The following IARS1 variants were observed in gnomAD, a reference collection of about 807,000 sequenced individuals.
IARS1 encodes the protein isoleucine--tRNA ligase, cytoplasmic.
Under a neutral mutation model 168.2 loss-of-function variants are expected in IARS1, and 124 were observed. The ratio of observed to expected loss-of-function variants is 0.74; its 90% CI spans 0.64 to 0.86. IARS1 has a LOEUF of 0.86. Among genes scored for constraint, IARS1 ranks in the 40% least tolerant of loss-of-function variants. The probability of loss-of-function intolerance (pLI) is 0.00; values close to 1 mark genes in which losing one functional copy is unlikely to be tolerated. For missense variants in IARS1, 1,452 were observed against 1,515.8 expected, an observed-to-expected ratio of 0.96 and a Z score of 0.70; for synonymous variants, 532 against 529.4, an observed-to-expected ratio of 1.00 and a Z score of -0.07.
Position 92,288,288 on chromosome 9 carries a change from A to C in IARS1, c.120-6T>G, listed in dbSNP as rs1302051312. ...GACCATCATAGAAGGTAAATCTAAC[A>C]GGTAATAAAAATATATCAAGCCATT... On this transcript the variant is annotated splice_region_variant and splice_polypyrimidine_tract_variant and intron_variant, in intron 2 of 33. Coordinates refer to ENST00000443024, the MANE Select transcript of IARS1 (RefSeq NM_002161.6). The C allele has an allele frequency of 2.5e-6, 4 of 1,613,752 alleles. No individual in the cohort carries two copies. The highest frequency in any genetic ancestry group is 1.1e-5 in the South Asian group (1 of 91,042).
At chr9:92,250,522 T>C (rs1354938318) in intron 23 of IARS1, among the ~76,000 whole-genome samples, 191 bp downstream of exon 23, 1 of 152,154 alleles carries the variant, frequency 6.6e-6, no homozygotes, top group Non-Finnish European at 1.5e-5. Context: ...ACAAAGGGGT[T>C]CCACACCAAG....
chr9:92,282,839 C>CACATATAT (rs1554730503), intron 6 of IARS1, among the ~76,000 whole-genome samples: 10 of 142,246 alleles, frequency 7.0e-5, no homozygotes, highest in African/African-American at 2.6e-4. Flanking sequence ...CATACACACA[C>CACATATAT]ATATATATAT....
In IARS1 at chr9:92,286,612, C is replaced by T. The variant is rs928721506; in HGVS notation, c.403G>A (p.Val135Ile). ...TCAATCCATCGGCCAAGTCTGCTAA[C>T]AGTAGACTTTAAAATATTAATATTA... ...MRYSAEWKST[V>I]SRLGRWIDFD... is the part of the protein sequence containing the mutation. The change falls in exon 5 of 34, where the codon GTT (valine) becomes ATT (isoleucine). Residue 135 changes from valine (V) to isoleucine (I), a missense_variant. Physicochemically the swap from Val to Ile is conservative, Grantham distance 29 (BLOSUM62 3). Coordinates refer to ENST00000443024, the MANE Select transcript of IARS1 (RefSeq NM_002161.6). 1 of 1,528,420 alleles carries T rather than the reference C, an allele frequency of 6.5e-7. No homozygotes were observed. Among genetic ancestry groups the T allele is most frequent in the Non-Finnish European group, 9.1e-7 (1 of 1,102,544 alleles). 94.7% of individuals were successfully genotyped at this position (1,528,420 alleles called of 1,614,324 possible). A position where few individuals can be genotyped will look rare whatever the true frequency, so the allele number is the denominator to read the frequency against.
intron 1 of IARS1, among the ~76,000 whole-genome samples, chr9:92,290,353 T>C (rs1836125360): frequency 6.6e-6 from 1 of 152,224 alleles, no homozygotes; most frequent in Non-Finnish European, 1.5e-5. Flanking sequence ...CGTATCCACG[T>C]TGGATAGATA....
intron 9 of IARS1, among the ~76,000 whole-genome samples, chr9:92,275,861 T>C (rs1022962014): frequency 2.0e-5 from 3 of 152,262 alleles, no homozygotes; most frequent in Admixed American, 1.3e-4. Flanking sequence ...TTGCCTAAAG[T>C]CACCGAAGGT....
Position 92,259,001 on chromosome 9 carries a change from G to T in IARS1, c.1872-3C>A, listed in dbSNP as rs1414231459. 1 of 1,591,750 alleles carries T rather than the reference G, an allele frequency of 6.3e-7. No homozygotes were observed. Among genetic ancestry groups the T allele is most frequent in the Non-Finnish European group, 8.5e-7 (1 of 1,172,650 alleles). On this transcript the variant is annotated splice_region_variant and splice_polypyrimidine_tract_variant and intron_variant, in intron 18 of 33. Transcript: ENST00000443024. ...CAGGGGAGTTAATCAGATATAATCT[G>T]GAAGAGGGAGAAAAATTAGACAGAA...
At chr9:92,225,579 T>TTA (rs1554723889) in intron 31 of IARS1, among the ~76,000 whole-genome samples, 2 of 150,454 alleles carry the variant, frequency 1.3e-5, no homozygotes, top group African/African-American at 5.0e-5. Context: ...GTGTGATTTT[T>TTA]TTTTTTTTTT....
chr9:92,281,135 CT>C (rs35960000), intron 6 of IARS1, among the ~76,000 whole-genome samples: 14,352 of 135,444 alleles, frequency 0.11, 796 homozygotes, highest in Middle Eastern at 0.27. Context: ...CACCTGGTGA[CT>C]TTTTTTTTTT....
intron 2 of IARS1, among the ~76,000 whole-genome samples, 161 bp downstream of exon 2, chr9:92,289,140 G>C (rs946701890): frequency 2.0e-5 from 3 of 146,708 alleles, no homozygotes; most frequent in Non-Finnish European, 4.4e-5. Flanking sequence ...CCGGGAGGCA[G>C]AGGTAGCAGT....
chr9:92,217,678 A>G (rs1838955073), intron 33 of IARS1, among the ~76,000 whole-genome samples: 2 of 152,276 alleles, frequency 1.3e-5, no homozygotes, highest in Admixed American at 1.3e-4. Context: ...ATCTAGAAGA[A>G]ATGGATAAAT....
chr9:92,222,750 G>C, intron 32 of IARS1, 78 bp from the exon 33 acceptor site: 1 of 1,463,024 alleles, frequency 6.8e-7, no homozygotes, highest in South Asian at 1.2e-5. Context: ...ACTGCGGACA[G>C]CTCTAACAGG....
chr9:92,260,734 T>C (rs1322389217), intron 17 of IARS1, among the ~76,000 whole-genome samples: 2 of 151,682 alleles, frequency 1.3e-5, no homozygotes, highest in African/African-American at 4.8e-5. Context: ...AATATCATAC[T>C]AAGTCCATGA....
At chr9:92,216,055 C>T (rs1370183762) in intron 33 of IARS1, among the ~76,000 whole-genome samples, 1 of 151,436 alleles carries the variant, frequency 6.6e-6, no homozygotes, top group Non-Finnish European at 1.5e-5. Context: ...GGAAGCCCAT[C>T]AGACTAACAG....
chr9:92,290,795 T>C (rs1040578295), intron 1 of IARS1, among the ~76,000 whole-genome samples: 3 of 152,136 alleles, frequency 2.0e-5, no homozygotes, highest in African/African-American at 7.2e-5. Context: ...TCATTAATAA[T>C]CTGAAGAAAA....
chr9:92,282,595 A>C (rs1834780211), intron 6 of IARS1, among the ~76,000 whole-genome samples: 1 of 151,932 alleles, frequency 6.6e-6, no homozygotes, highest in Non-Finnish European at 1.5e-5. Context: ...ATATGGTGAG[A>C]TCCCATCTCT....
intron 25 of IARS1, among the ~76,000 whole-genome samples, chr9:92,248,942 A>G (rs1421313461): frequency 2.0e-5 from 3 of 152,186 alleles, no homozygotes; most frequent in East Asian, 1.9e-4. Flanking sequence ...TTAAAATATC[A>G]TGGAATAAAA....
intron 30 of IARS1, 79 bp from the exon 31 acceptor site, chr9:92,229,205 A>G (rs1395779882): frequency 2.0e-6 from 3 of 1,478,088 alleles, no homozygotes; most frequent in Non-Finnish European, 1.9e-6. Flanking sequence ...GAAAAGGGAT[A>G]CAAAGGGGTT....
In IARS1 at chr9:92,258,973, C is replaced by G; in HGVS notation, c.1897G>C (p.Val633Leu). 6.2e-7 allele frequency: 1 copy of G among 1,612,118 alleles called. No homozygotes were observed. The highest frequency in any genetic ancestry group is 8.5e-7 in the Non-Finnish European group (1 of 1,179,352). ...TTAAAGCGGAGGTTTTCTGCTCTCA[C>G]CACAGGGGAGTTAATCAGATATAAT... ...LRLYLINSPV[V>L]RAENLRFKEE... The change falls in exon 19 of 34, where the codon GTG (valine) becomes CTG (leucine). Residue 633 changes from valine to leucine, a missense_variant. Coordinates refer to ENST00000443024, the MANE Select transcript of IARS1 (RefSeq NM_002161.6).
At chr9:92,262,050 C>A (rs996723009) in intron 17 of IARS1, among the ~76,000 whole-genome samples, 2 of 146,042 alleles carry the variant, frequency 1.4e-5, no homozygotes, top group Non-Finnish European at 3.0e-5. Context: ...GCACCCAGCC[C>A]TCAATAAAAT....
Sources: gnomAD v4.1 joint callset for allele counts (sites outside exome capture counted in the v4.1 genomes callset) on GRCh38, gnomAD v4.1.1 for gene constraint, MANE v1.5 for transcripts, NCBI Gene and HGNC (gene_info 2026-07-23, HGNC 2026-07-21) for gene names.